Variants in LGR4 observed in about 807,000 individuals in gnomAD.
The protein encoded by LGR4 is leucine-rich repeat-containing G protein-coupled receptor 4.
Under a neutral mutation model 84.8 loss-of-function variants are expected in LGR4, and 44 were observed. That is an observed-to-expected ratio of 0.52 (90% CI 0.41 to 0.67). LGR4 has a LOEUF of 0.67. Among genes scored for constraint, LGR4 ranks in the 30% least tolerant of loss-of-function variants. The probability of loss-of-function intolerance (pLI) is 0.00; values close to 1 mark genes in which losing one functional copy is unlikely to be tolerated. For missense variants in LGR4, 1,032 were observed against 1,131.4 expected, an observed-to-expected ratio of 0.91 and a Z score of 1.26; for synonymous variants, 429 against 434.3, an observed-to-expected ratio of 0.99 and a Z score of 0.15.
chr11:27,372,275 G>A lies in LGR4; in HGVS notation c.1495+8C>T. On this transcript the variant is annotated splice_region_variant and intron_variant, in intron 16 of 17. Transcript: ENST00000379214. ...GAGTGTTCTATTTTTTGAAACTCAT[G>A]CACTTGCCTTTCTCCTGTGCCACAC... 6.6e-7 allele frequency: 1 copy of A among 1,510,516 alleles called. No homozygotes were observed. Among genetic ancestry groups the A allele is most frequent in the Non-Finnish European group, 9.2e-7 (1 of 1,085,992 alleles). The allele number at this position is 1,510,516 out of a possible 1,614,324, so 93.6% of individuals were successfully genotyped here.
At chr11:27,401,156 A>G (rs1863494271) in intron 2 of LGR4, among the ~76,000 whole-genome samples, 1 of 152,224 alleles carries the variant, frequency 6.6e-6, no homozygotes, top group African/African-American at 2.4e-5. Context: ...AAGTTATTTC[A>G]CACATATTTC....
chr11:27,372,418 A>T lies in LGR4; in HGVS notation c.1380-20T>A. ...AAAGACCTGGAAAAAAAAGTTGTAA[A>T]ATCTACACTGAACAGCAACTCCGCA... is the stretch of plus-strand genomic sequence containing the variant. On this transcript the variant is annotated intron_variant, in intron 15 of 17. Transcript: ENST00000379214. The T allele has an allele frequency of 1.5e-6, 2 of 1,368,666 alleles. No individual in the cohort carries two copies. The highest frequency in any genetic ancestry group is 2.1e-6 in the Non-Finnish European group (2 of 957,434). 84.8% of individuals were successfully genotyped at this position (1,368,666 alleles called of 1,614,324 possible). A position where few individuals can be genotyped will look rare whatever the true frequency, so the allele number is the denominator to read the frequency against.
chr11:27,380,093 A>G (rs570210590), intron 10 of LGR4, among the ~76,000 whole-genome samples, 178 bp downstream of exon 10: 1 of 152,146 alleles, frequency 6.6e-6, no homozygotes, highest in East Asian at 1.9e-4. Context: ...AATCGGCTCT[A>G]CTCTGCCTAA....
chr11:27,368,323 C>A lies in LGR4; in HGVS notation c.2400G>T (p.Leu800=), dbSNP rs1862807407. The part of the protein sequence containing the change: ...FPLPACLNPV[L]YVFFNPKFKE... Reference sequence around the variant, plus strand: ...TAAACTTTGGGTTGAAGAAAACATACAGGACTGGATTCAGGCAAGCAGGCA... The same window carrying A: ...TAAACTTTGGGTTGAAGAAAACATAAAGGACTGGATTCAGGCAAGCAGGCA... Residue 800 remains leucine, a synonymous_variant, in exon 18 of 18, where the codon CTG becomes CTT. Coordinates refer to ENST00000379214, the MANE Select transcript of LGR4 (RefSeq NM_018490.5). The A allele has an allele frequency of 1.2e-6, 2 of 1,614,068 alleles. No homozygotes were observed. Among genetic ancestry groups the A allele is most frequent in the East Asian group, 4.5e-5 (2 of 44,882 alleles).
chr11:27,437,459 T>A (rs1288571620), intron 1 of LGR4, among the ~76,000 whole-genome samples: 1 of 152,172 alleles, frequency 6.6e-6, no homozygotes. Flanking sequence ...ATGCATTTTT[T>A]ATCAAATGCT....
chr11:27,436,402 A>C, intron 1 of LGR4, among the ~76,000 whole-genome samples: 2 of 136,418 alleles, frequency 1.5e-5, no homozygotes, highest in Non-Finnish European at 1.6e-5. Context: ...AGGGGAGGGG[A>C]GGGGAGGGGA....
chr11:27,410,771 T>C (rs1863695431), intron 2 of LGR4, among the ~76,000 whole-genome samples: 1 of 152,082 alleles, frequency 6.6e-6, no homozygotes, highest in Non-Finnish European at 1.5e-5. Flanking sequence ...CCATACAACA[T>C]TTAGAGAGAG....
intron 1 of LGR4, among the ~76,000 whole-genome samples, chr11:27,437,698 T>TGTGTGTGTGTGTG (rs1864235625): frequency 2.0e-5 from 3 of 151,430 alleles, no homozygotes; most frequent in Non-Finnish European, 2.9e-5. Flanking sequence ...TGTGTGTGTG[T>TGTGTGTGTGTGTG]TTATGCTAAA....
chr11:27,467,566 C>CAAAAAAAAAAAAAAAAAAAAAAAAAAAA (rs761925670), intron 1 of LGR4, among the ~76,000 whole-genome samples: 13 of 51,790 alleles, frequency 2.5e-4, no homozygotes, highest in African/African-American at 6.2e-4. Flanking sequence ...GAGTCCGTCT[C>CAAAAAAAAAAAAAAAAAAAAAAAAAAAA]AAAAAAAAAA....
intron 4 of LGR4, among the ~76,000 whole-genome samples, chr11:27,387,823 T>C (rs770079102): frequency 1.3e-5 from 2 of 152,194 alleles, no homozygotes; most frequent in African/African-American, 2.4e-5. Flanking sequence ...TAGTATGTAA[T>C]GCACCTCCAA....
At chr11:27,467,578 A>G (rs1307840693) in intron 1 of LGR4, among the ~76,000 whole-genome samples, 2 of 124,334 alleles carry the variant, frequency 1.6e-5, no homozygotes, top group African/African-American at 5.0e-5. Context: ...AAAAAAAAAA[A>G]AAAATCAAAT....
intron 1 of LGR4, among the ~76,000 whole-genome samples, chr11:27,470,970 T>C (rs2133466862): frequency 6.6e-6 from 1 of 152,268 alleles, no homozygotes; most frequent in Non-Finnish European, 1.5e-5. Flanking sequence ...AAGAGGTCCC[T>C]TCCACTACAG....
chr11:27,455,449 C>A (rs1864557803), intron 1 of LGR4, among the ~76,000 whole-genome samples: 1 of 152,244 alleles, frequency 6.6e-6, no homozygotes, highest in African/African-American at 2.4e-5. Flanking sequence ...CAAATAATAA[C>A]TACCATGTCT....
At chr11:27,413,375 A>G (rs1222956686) in intron 1 of LGR4, among the ~76,000 whole-genome samples, 1 of 152,170 alleles carries the variant, frequency 6.6e-6, no homozygotes, top group African/African-American at 2.4e-5. Flanking sequence ...GCCTATGAAC[A>G]GATGCAGGCT....
chr11:27,378,849 T>G, intron 10 of LGR4, 81 bp from the exon 11 acceptor site: 1 of 934,272 alleles, frequency 1.1e-6, no homozygotes, highest in Non-Finnish European at 1.7e-6. Flanking sequence ...GAATAAGTGC[T>G]CACATATTTA....
chr11:27,392,429 T>C lies in LGR4; in HGVS notation c.329+18A>G. 1.3e-6 allele frequency: 2 copies of C among 1,560,182 alleles called. No homozygotes were observed. The highest frequency in any genetic ancestry group is 1.7e-6 in the Non-Finnish European group (2 of 1,156,574). ...AAATACACAGCCAGCTGTGAAACTCTAAAATTGCATTACTTACAGAACTTT... is the reference window on the plus strand; with the variant it reads ...AAATACACAGCCAGCTGTGAAACTCCAAAATTGCATTACTTACAGAACTTT... On this transcript the variant is annotated intron_variant, in intron 3 of 17. Coordinates refer to ENST00000379214, the MANE Select transcript of LGR4 (RefSeq NM_018490.5).
At chr11:27,380,248 C>A (rs942769443) in intron 10 of LGR4, 23 bp downstream of exon 10, 2 of 1,506,800 alleles carry the variant, frequency 1.3e-6, no homozygotes, top group Admixed American at 3.6e-5. Context: ...TTATACAACC[C>A]CTCTTCAAAG....
intron 11 of LGR4, 62 bp from the exon 12 acceptor site, chr11:27,377,285 G>A (rs1415086795): frequency 2.3e-6 from 2 of 862,274 alleles, no homozygotes; most frequent in African/African-American, 1.7e-5. Flanking sequence ...TTAAAAGAGT[G>A]GTACTCAGAA....
chr11:27,403,419 G>A (rs1863542462), intron 2 of LGR4, among the ~76,000 whole-genome samples: 1 of 152,160 alleles, frequency 6.6e-6, no homozygotes, highest in African/African-American at 2.4e-5. Context: ...TTCTAGCCTG[G>A]ACAATAGAGT....
Sources: gnomAD v4.1 joint callset for allele counts (sites outside exome capture counted in the v4.1 genomes callset) on GRCh38, gnomAD v4.1.1 for gene constraint, MANE v1.5 for transcripts, NCBI Gene and HGNC (gene_info 2026-07-23, HGNC 2026-07-21) for gene names.